Variants in DPP10 observed in about 807,000 individuals in gnomAD.
DPP10 encodes the protein inactive dipeptidyl peptidase 10.
In DPP10, 33 loss-of-function variants were observed where a neutral mutation model predicts 120.9. The observed-to-expected ratio is 0.27, with a 90% CI of 0.21 to 0.37. DPP10 has a LOEUF of 0.37. Among genes scored for constraint, DPP10 ranks in the 10% least tolerant of loss-of-function variants. The probability of loss-of-function intolerance (pLI) is 1.00; values close to 1 mark genes in which losing one functional copy is unlikely to be tolerated. For missense variants in DPP10, 816 were observed against 942.8 expected, an observed-to-expected ratio of 0.87 and a Z score of 1.76; for synonymous variants, 337 against 326.1, an observed-to-expected ratio of 1.03 and a Z score of -0.36.
At chr2:115,617,662 A>G (rs150153176) in intron 5 of DPP10, among the ~76,000 whole-genome samples, 84 of 152,190 alleles carry the variant, frequency 5.5e-4, no homozygotes, top group African/African-American at 2.0e-3. Flanking sequence ...TCAATAGGCT[A>G]TACTACATAG....
At chr2:115,264,825 T>C (rs1051283777) in intron 1 of DPP10, among the ~76,000 whole-genome samples, 1 of 152,186 alleles carries the variant, frequency 6.6e-6, no homozygotes, top group African/African-American at 2.4e-5. Context: ...TGTAAAGCTT[T>C]ATCTACATGA....
intron 8 of DPP10, 51 bp from the exon 9 acceptor site, chr2:115,739,688 A>G: frequency 6.4e-7 from 1 of 1,571,778 alleles, no homozygotes; most frequent in Non-Finnish European, 8.7e-7. Context: ...TTTGTGGGTC[A>G]CTGAGCCCAC....
At chr2:115,591,520 G>C (rs551017030) in intron 5 of DPP10, among the ~76,000 whole-genome samples, 2 of 152,148 alleles carry the variant, frequency 1.3e-5, no homozygotes, top group Non-Finnish European at 2.9e-5. Context: ...CTATATCTCT[G>C]TTTTGGTACC....
chr2:115,704,411 C>A (rs956313246), intron 7 of DPP10, among the ~76,000 whole-genome samples: 1 of 151,826 alleles, frequency 6.6e-6, no homozygotes, highest in Admixed American at 6.6e-5. Flanking sequence ...TTGTTATCTT[C>A]TACCACTAAC....
At chr2:115,723,411 G>C (rs975097680) in intron 7 of DPP10, among the ~76,000 whole-genome samples, 2 of 152,036 alleles carry the variant, frequency 1.3e-5, no homozygotes, top group Admixed American at 1.3e-4. Flanking sequence ...TCTTTTCCAA[G>C]CACAAATTTA....
intron 1 of DPP10, among the ~76,000 whole-genome samples, chr2:114,599,405 TG>T (rs988580460): frequency 3.3e-5 from 5 of 151,946 alleles, no homozygotes; most frequent in Admixed American, 3.3e-4. Context: ...CCACCACCTG[TG>T]GGGGCAACTA....
At chr2:115,214,677 CA>C (rs2056714124) in intron 1 of DPP10, among the ~76,000 whole-genome samples, 1 of 152,138 alleles carries the variant, frequency 6.6e-6, no homozygotes, top group South Asian at 2.1e-4. Context: ...TCCCTTTATT[CA>C]ATAACACTCA....
chr2:115,485,002 C>G (rs2075681959), intron 3 of DPP10, among the ~76,000 whole-genome samples: 1 of 151,996 alleles, frequency 6.6e-6, no homozygotes, highest in African/African-American at 2.4e-5. Flanking sequence ...ACCCGGGAGG[C>G]AGAGGTTGCA....
At chr2:115,290,251 C>T (rs2105921978) in intron 1 of DPP10, among the ~76,000 whole-genome samples, 1 of 152,138 alleles carries the variant, frequency 6.6e-6, no homozygotes, top group Middle Eastern at 3.4e-3. Context: ...TGTTATACCT[C>T]TTGGTGTTTA....
At chr2:115,395,652 G>T (rs1248919017) in intron 3 of DPP10, among the ~76,000 whole-genome samples, 2 of 151,996 alleles carry the variant, frequency 1.3e-5, no homozygotes, top group Non-Finnish European at 2.9e-5. Context: ...CTTTGCACTG[G>T]TTTACAACTC....
At chr2:115,564,368 GTTAAC>G (rs1244833356) in intron 5 of DPP10, among the ~76,000 whole-genome samples, 7 of 151,722 alleles carry the variant, frequency 4.6e-5, no homozygotes, top group Non-Finnish European at 1.0e-4. Context: ...ATTAACAAGT[GTTAAC>G]TTAAGGAAAC....
intron 1 of DPP10, among the ~76,000 whole-genome samples, chr2:114,606,283 G>T (rs865969931): frequency 2.0e-5 from 3 of 152,078 alleles, no homozygotes; most frequent in African/African-American, 4.8e-5. Context: ...TTATGGGCTT[G>T]ATCACTAGGA....
chr2:115,472,005 A>T (rs2105184435), intron 3 of DPP10, among the ~76,000 whole-genome samples: 1 of 152,232 alleles, frequency 6.6e-6, no homozygotes, highest in South Asian at 2.1e-4. Flanking sequence ...GCACTGGAAC[A>T]GCTTTCTAAC....
chr2:115,331,601 A>G (rs1267408987), intron 2 of DPP10, among the ~76,000 whole-genome samples: 2 of 152,298 alleles, frequency 1.3e-5, no homozygotes, highest in South Asian at 4.1e-4. Context: ...TGTCCCATCA[A>G]TACCGAATTT....
chr2:115,337,610 C>T (rs1559448053), intron 2 of DPP10, among the ~76,000 whole-genome samples: 1 of 123,414 alleles, frequency 8.1e-6, no homozygotes, highest in Admixed American at 1.0e-4. Flanking sequence ...GGATTGGTTG[C>T]AAGGAATGAA....
intron 1 of DPP10, among the ~76,000 whole-genome samples, chr2:114,891,493 A>T (rs1042769737): frequency 6.6e-6 from 1 of 152,226 alleles, no homozygotes; most frequent in Admixed American, 6.5e-5. Flanking sequence ...TTAAAAATTA[A>T]GTTTCACCGC....
At chr2:115,280,946 A>G (rs550417131) in intron 1 of DPP10, among the ~76,000 whole-genome samples, 8 of 152,186 alleles carry the variant, frequency 5.3e-5, no homozygotes, top group Non-Finnish European at 1.2e-4. Context: ...TGTGCTTTCC[A>G]CTTAAAAAGT....
intron 3 of DPP10, among the ~76,000 whole-genome samples, chr2:115,460,609 T>G (rs1452811901): frequency 1.3e-5 from 2 of 152,184 alleles, no homozygotes; most frequent in African/African-American, 4.8e-5. Flanking sequence ...CTTAGAAAAT[T>G]TGCTACTTTG....
intron 4 of DPP10, among the ~76,000 whole-genome samples, chr2:115,502,504 G>T (rs1558765847): frequency 6.6e-6 from 1 of 152,074 alleles, no homozygotes. Context: ...TCATAATGAG[G>T]AAACTGTTTC....
Sources: gnomAD v4.1 joint callset for allele counts (sites outside exome capture counted in the v4.1 genomes callset) on GRCh38, gnomAD v4.1.1 for gene constraint, MANE v1.5 for transcripts, NCBI Gene and HGNC (gene_info 2026-07-23, HGNC 2026-07-21) for gene names.